Variants in PYURF observed in about 807,000 individuals in gnomAD.
PYURF encodes the protein PIGY upstream open reading frame, also known as protein preY, mitochondrial.
Under a neutral mutation model 8.0 loss-of-function variants are expected in PYURF, and 9 were observed. That is an observed-to-expected ratio of 1.13 (90% CI 0.68 to 1.97). PYURF has a LOEUF of 1.97. Ranked by LOEUF, PYURF falls within the 30% of genes most tolerant of loss-of-function variation. PYURF has a pLI of 0.00. For synonymous variants in PYURF, 56 were observed against 68.3 expected, an observed-to-expected ratio of 0.82 and a Z score of 0.89; for missense variants, 130 against 158.0, an observed-to-expected ratio of 0.82 and a Z score of 0.95.
Position 88,523,637 on chromosome 4 carries a change from C to T in PYURF, c.64G>A (p.Ala22Thr), listed in dbSNP as rs1200864405. 4.5e-6 allele frequency: 7 copies of T among 1,541,108 alleles called. No individual in the cohort carries two copies. The Middle Eastern group carries it at 7.8e-4, about 172-fold the overall frequency. The change falls in exon 1 of 2, where the codon GCG (alanine) becomes ACG (threonine). Residue 22 changes from alanine to threonine, a missense_variant. Ala to Thr is a moderately conservative substitution (Grantham distance 58, BLOSUM62 0). Transcript: ENST00000273968. ...GCGTGCAGGCACCTACGGGCGACCG[C>T]GGACGGCGGCGCGCGCGTTCCCCGC... ...ALRGTRAPPS[A>T]VARRCLHASG...
Position 88,521,657 on chromosome 4 carries a change from G to C in PYURF, c.*231C>G, listed in dbSNP as rs1476665243. ...ACTGGTATGGTAATAGGCAAGAGCA[G>C]GCTGTAAAAGCAAAGGCTGGCTGTG... is the stretch of plus-strand genomic sequence containing the variant. On this transcript the variant is annotated 3_prime_UTR_variant, in exon 2 of 2. Transcript: ENST00000273968. The C allele has an allele frequency of 2.5e-6, 4 of 1,613,892 alleles. No individual in the cohort carries two copies. Among genetic ancestry groups the C allele is most frequent in the Non-Finnish European group, 3.4e-6 (4 of 1,179,870 alleles).
At chr4:88,523,347 T>A in intron 1 of PYURF, 151 bp downstream of exon 1, 1 of 808,180 alleles carries the variant, frequency 1.2e-6, no homozygotes, top group South Asian at 1.7e-5. Flanking sequence ...TCCTGCCCGC[T>A]GTGCGCCCGG....
Position 88,522,005 on chromosome 4 carries a change from C to G in PYURF, c.228G>C (p.Leu76Phe). 6.5e-7 allele frequency: 1 copy of G among 1,548,008 alleles called. No homozygotes were observed. Among genetic ancestry groups the G allele is most frequent in the South Asian group, 1.2e-5 (1 of 82,818 alleles). The change falls in exon 2 of 2, where the codon TTG becomes TTC. Residue 76 changes from leucine to phenylalanine, a missense_variant. By Grantham distance (22) the Leu-to-Phe change is conservative (BLOSUM62 0). Transcript: ENST00000273968. ...AAGCTATTCCCAACTCTTCATTAAT[C>G]AATTCGTTTGTTGATGCTTCATATC... is the stretch of plus-strand genomic sequence containing the variant. ...PLRYEASTNE[L>F]INEELGIAYP...
chr4:88,522,162 T>C (rs1196087066), intron 1 of PYURF, 133 bp from the exon 2 acceptor site: 1 of 752,310 alleles, frequency 1.3e-6, no homozygotes, highest in East Asian at 2.8e-5. Flanking sequence ...TCTTTAATTC[T>C]AAAAGCAACA....
rs1742382565 is a variant in PYURF, at chr4:88,521,911, G to A, written c.322C>T (p.Gln108Ter). The change falls in exon 2 of 2, where the codon CAA becomes TAA. Residue 108 changes from glutamine to a stop codon, truncating the protein, a stop_gained. Coordinates refer to ENST00000273968, the MANE Select transcript of PYURF (RefSeq NM_032906.5). LOFTEE classifies it high-confidence loss of function. The stretch of plus-strand genomic sequence containing the variant: ...AACTAGCGCTGCTCCACTTCTTCTT[G>A]CTTCTTACTTTGACGTGTCATCCTA... ...AARMTRQSKK[Q>*]EEVEQR is the part of the protein sequence containing the mutation. 4.5e-6 allele frequency: 7 copies of A among 1,550,382 alleles called. No homozygotes were observed. The highest frequency in any genetic ancestry group is 1.4e-5 in the African/African-American group (1 of 72,950).
intron 1 of PYURF, among the ~76,000 whole-genome samples, chr4:88,522,798 C>A (rs1197084797): frequency 6.6e-6 from 1 of 152,220 alleles, no homozygotes; most frequent in Non-Finnish European, 1.5e-5. Flanking sequence ...AACTAAGAGC[C>A]ACTGGGCAGC....
Position 88,521,426 on chromosome 4 carries a change from T to C in PYURF, c.*462A>G, listed in dbSNP as rs1428999463. On this transcript the variant is annotated 3_prime_UTR_variant, in exon 2 of 2. Transcript: ENST00000273968. ...GAACAAGAGTACAATAAAAGAAGCA[T>C]CTGCAACTTAAGCCTCCCACAGTCC... is the stretch of plus-strand genomic sequence containing the variant. 13 of 666,240 alleles carry C rather than the reference T, an allele frequency of 2.0e-5. No homozygotes were observed. The highest frequency in any genetic ancestry group is 3.3e-5 in the Non-Finnish European group (13 of 392,840). The allele number at this position is 666,240 out of a possible 1,614,324, so 41.3% of individuals were successfully genotyped here.
Position 88,521,938 on chromosome 4 carries a change from C to A in PYURF, c.295G>T (p.Ala99Ser). ...TTCTTACTTTGACGTGTCATCCTAG[C>A]TGCCTGTGGTATCATATTAGGGATC... is the stretch of plus-strand genomic sequence containing the variant. ...DGIPNMIPQAARMTRQSKKQE... is the reference protein window; with the variant it reads ...DGIPNMIPQASRMTRQSKKQE... The change falls in exon 2 of 2, where the codon GCT (alanine) becomes TCT (serine). Residue 99 changes from alanine to serine, a missense_variant. Transcript: ENST00000273968. 1.9e-6 allele frequency: 3 copies of A among 1,551,546 alleles called. No homozygotes were observed. The highest frequency in any genetic ancestry group is 2.6e-6 in the Non-Finnish European group (3 of 1,146,956).
chr4:88,522,766 T>C (rs559783351), intron 1 of PYURF, among the ~76,000 whole-genome samples: 1 of 152,292 alleles, frequency 6.6e-6, no homozygotes, highest in East Asian at 1.9e-4. Flanking sequence ...TAAAGAGGCT[T>C]CTACGAAACC....
chr4:88,522,213 A>G (rs1410121363), intron 1 of PYURF, among the ~76,000 whole-genome samples, 184 bp from the exon 2 acceptor site: 6 of 152,198 alleles, frequency 3.9e-5, no homozygotes, highest in African/African-American at 1.4e-4. Context: ...ATTCTCTTAC[A>G]ATCTATAATT....
Position 88,523,693 on chromosome 4 carries a change from C to T in PYURF, c.8G>A (p.Ser3Asn). 1 of 1,486,802 alleles carries T rather than the reference C, an allele frequency of 6.7e-7. No individual in the cohort carries two copies. Among genetic ancestry groups the T allele is most frequent in the South Asian group, 1.3e-5 (1 of 75,676 alleles). The allele number at this position is 1,486,802 out of a possible 1,614,324, so 92.1% of individuals were successfully genotyped here. A position where few individuals can be genotyped will look rare whatever the true frequency, so the allele number is the denominator to read the frequency against. Residue 3 changes from serine to asparagine, a missense_variant, in exon 1 of 2, where the codon AGT becomes AAT. By Grantham distance (46) the Ser-to-Asn change is conservative. Transcript: ENST00000273968. Reference protein sequence around the residue: MLSGARCRLASAL... With the variant: MLNGARCRLASAL... ...TGAGGCGAGCCTGCAGCGTGCTCCA[C>T]TCAGCATGGTCTGGCAGCCGGAGAC...
In PYURF at chr4:88,521,375, GT is replaced by G. The variant is rs1742365345; in HGVS notation, c.*512del. The G allele has an allele frequency of 1.8e-6, 1 of 569,038 alleles. No homozygotes were observed. Among genetic ancestry groups the G allele is most frequent in the African/African-American group, 1.9e-5 (1 of 53,516 alleles). 35.2% of individuals were successfully genotyped at this position (569,038 alleles called of 1,614,324 possible). ...GTTTCTTCTGATACAGCAGTTATAAGTCAGAGCCTTCAAAAAACAAGGGCAG... is the reference window on the plus strand; with the variant it reads ...GTTTCTTCTGATACAGCAGTTATAAGCAGAGCCTTCAAAAAACAAGGGCAG... On this transcript the variant is annotated 3_prime_UTR_variant, in exon 2 of 2. Coordinates refer to ENST00000273968, the MANE Select transcript of PYURF (RefSeq NM_032906.5).
At chr4:88,522,606 G>T (rs1385081668) in intron 1 of PYURF, among the ~76,000 whole-genome samples, 1 of 152,124 alleles carries the variant, frequency 6.6e-6, no homozygotes, top group African/African-American at 2.4e-5. Flanking sequence ...ACGGGAAAAA[G>T]AAATACGAAA....
chr4:88,523,408 A>T, intron 1 of PYURF, 90 bp downstream of exon 1: 1 of 1,338,558 alleles, frequency 7.5e-7, no homozygotes. Flanking sequence ...CCGACCTACA[A>T]GGCCCCAGTG....
At chr4:88,522,771 G>A (rs1450446041) in intron 1 of PYURF, among the ~76,000 whole-genome samples, 2 of 152,186 alleles carry the variant, frequency 1.3e-5, no homozygotes, top group Non-Finnish European at 2.9e-5. Context: ...AGGCTTCTAC[G>A]AAACCTGCTA....
At chr4:88,522,081 G>T in intron 1 of PYURF, 52 bp from the exon 2 acceptor site, 1 of 1,477,420 alleles carries the variant, frequency 6.8e-7, no homozygotes. Flanking sequence ...TAAAATGCTT[G>T]AAGAGCCTGA....
At chr4:88,523,192 G>C (rs78564173) in intron 1 of PYURF, among the ~76,000 whole-genome samples, 6,394 of 152,284 alleles carry the variant, frequency 0.042, 443 homozygotes, top group African/African-American at 0.14. Flanking sequence ...GGGCTGTCGG[G>C]GAATCGGCAT....
rs1742463056 is a variant in PYURF, at chr4:88,523,577, T to C, written c.124A>G (p.Lys42Glu). ...GSRPLADRGK[K>E]TEEPPRDFDP... is the part of the protein sequence containing the mutation. ...AAGTCGCGGGGCGGCTCCTCAGTCT[T>C]CTTGCCCCGGTCGGCCAAAGGCCGC... The change falls in exon 1 of 2, where the codon AAG (lysine) becomes GAG (glutamate). Residue 42 changes from lysine (K) to glutamate (E), a missense_variant. Physicochemically the swap from Lys to Glu is moderately conservative, Grantham distance 56. Transcript: ENST00000273968. 6.5e-7 allele frequency: 1 copy of C among 1,550,282 alleles called. No homozygotes were observed. Among genetic ancestry groups the C allele is most frequent in the Non-Finnish European group, 8.7e-7 (1 of 1,146,834 alleles).
chr4:88,521,528 C>T lies in PYURF; in HGVS notation c.*360G>A. ...CCATTTGAGCTTTCAGAGATCGATG[C>T]CCAAGAGCTATCATTAATATATACA... On this transcript the variant is annotated 3_prime_UTR_variant, in exon 2 of 2. Coordinates refer to ENST00000273968, the MANE Select transcript of PYURF (RefSeq NM_032906.5). 6.7e-7 allele frequency: 1 copy of T among 1,501,774 alleles called. No homozygotes were observed. Among genetic ancestry groups the T allele is most frequent in the Non-Finnish European group, 9.2e-7 (1 of 1,086,568 alleles). The allele number at this position is 1,501,774 out of a possible 1,614,324, so 93.0% of individuals were successfully genotyped here.
Sources: allele counts gnomAD v4.1 joint callset (sites outside exome capture counted in the v4.1 genomes callset), GRCh38; gene constraint gnomAD v4.1.1; transcripts MANE v1.5; gene names NCBI Gene and HGNC (gene_info 2026-07-23, HGNC 2026-07-21).